PLG: variants seen among roughly 807,000 people sequenced by gnomAD.
PLG encodes plasmin.
Under a neutral mutation model 104.4 loss-of-function variants are expected in PLG, and 41 were observed. That is an observed-to-expected ratio of 0.39 (90% CI 0.31 to 0.51). The LOEUF is 0.51. Ranked by LOEUF, PLG falls within the 20% of genes least tolerant of loss-of-function variation. The pLI is 0.76. For missense variants in PLG, 891 were observed against 1,003.6 expected, an observed-to-expected ratio of 0.89 and a Z score of 1.52; for synonymous variants, 337 against 357.1, an observed-to-expected ratio of 0.94 and a Z score of 0.63.
At chr6:160,721,867 T>C (rs1324581503) in intron 9 of PLG, among the ~76,000 whole-genome samples, 1 of 152,192 alleles carries the variant, frequency 6.6e-6, no homozygotes, top group African/African-American at 2.4e-5. Context: ...ACAAGAGGAT[T>C]CCCTGTAACT....
At position 160,718,409 on chromosome 6, in the gene PLG, A is replaced by G. The variant is rs1328514729; in HGVS notation, c.903A>G (p.Ala301=). The change falls in exon 8 of 19, where the codon GCA becomes GCG. Residue 301 remains alanine (A), a synonymous_variant. Coordinates refer to ENST00000308192, the MANE Select transcript of PLG (RefSeq NM_000301.5). The part of the protein sequence containing the change: ...VSGHTCQHWS[A]QTPHTHNRTP... ...GGCACACCTGTCAGCACTGGAGTGC[A>G]CAGACCCCTCACACACATAACAGGA... The G allele has an allele frequency of 6.2e-7, 1 of 1,613,572 alleles. No individual in the cohort carries two copies. Among genetic ancestry groups the G allele is most frequent in the Non-Finnish European group, 8.5e-7 (1 of 1,179,448 alleles).
chr6:160,714,696 G>A (rs995456620), intron 5 of PLG, 98 bp from the exon 6 acceptor site: 46 of 1,174,282 alleles, frequency 3.9e-5, no homozygotes, highest in Middle Eastern at 2.3e-4. Context: ...GAGGCAAGTC[G>A]CACTTAAGTG....
At position 160,739,567 on chromosome 6, in the gene PLG, T is replaced by C. The variant is rs1246997170; in HGVS notation, c.2018+359T>C. On this transcript the variant is annotated intron_variant, in intron 16 of 18. Coordinates refer to ENST00000308192, the MANE Select transcript of PLG (RefSeq NM_000301.5). This position sits in a 1 kb window ranked among gnomAD's most constrained non-coding sequence, Gnocchi z 4.4. ...CATCATAATATGTTTAAGAGAATCATATAAGACTATATTTGTTTCAAAGCA... is the reference window on the plus strand; with the variant it reads ...CATCATAATATGTTTAAGAGAATCACATAAGACTATATTTGTTTCAAAGCA... Among the ~76,000 whole-genome samples, 1 of 152,158 alleles carries C rather than the reference T, an allele frequency of 6.6e-6. No individual in the cohort carries two copies. Among genetic ancestry groups the C allele is most frequent in the Non-Finnish European group, 1.5e-5 (1 of 68,030 alleles).
intron 9 of PLG, 129 bp downstream of exon 9, chr6:160,718,967 T>A: frequency 1.2e-6 from 1 of 818,132 alleles, no homozygotes; most frequent in Non-Finnish European, 2.0e-6. Context: ...CCTGCCCTTA[T>A]GATTTCAGTT....
intron 10 of PLG, 82 bp from the exon 11 acceptor site, chr6:160,730,968 TG>T: frequency 2.9e-6 from 4 of 1,392,502 alleles, no homozygotes; most frequent in Non-Finnish European, 4.1e-6. Flanking sequence ...GTTAACACTT[TG>T]TTAGAACAAA....
rs745937967 is a variant in PLG at position 160,731,878 on chromosome 6, G to A, written c.1572G>A (p.Ala524=). Reference sequence around the variant, plus strand: ...TCACTCCAGAGACAAATCCACGGGCGGGTCTGGAAAAAAATGTAAGCCACT... The same window carrying A: ...TCACTCCAGAGACAAATCCACGGGCAGGTCTGGAAAAAAATGTAAGCCACT... The part of the protein sequence containing the change: ...SIFTPETNPR[A]GLEKNYCRNP... Residue 524 remains alanine (A), a synonymous_variant, in exon 12 of 19, where the codon GCG becomes GCA. Transcript: ENST00000308192. This position sits in a 1 kb window ranked among gnomAD's most constrained non-coding sequence, Gnocchi z 5.1. The A allele has an allele frequency of 8.1e-6, 13 of 1,613,940 alleles. No individual in the cohort carries two copies. In the South Asian group the frequency reaches 1.2e-4, roughly 15 times the overall value.
chr6:160,714,713 A>G, intron 5 of PLG, 81 bp from the exon 6 acceptor site: 1 of 1,404,346 alleles, frequency 7.1e-7, no homozygotes, highest in South Asian at 1.2e-5. Flanking sequence ...AGTGAGTAGG[A>G]TTCTGGTTTT....
chr6:160,720,993 T>A (rs145562020), intron 9 of PLG, among the ~76,000 whole-genome samples: 38 of 152,328 alleles, frequency 2.5e-4, no homozygotes, highest in African/African-American at 8.4e-4. Context: ...TTGTTTCTAG[T>A]CATCTCCTCA....
At chr6:160,748,894 A>G (rs1427862097) in intron 17 of PLG, among the ~76,000 whole-genome samples, 1 of 152,166 alleles carries the variant, frequency 6.6e-6, no homozygotes, top group Non-Finnish European at 1.5e-5. Flanking sequence ...GAGAGGTCGA[A>G]CTTGTGTCAC....
chr6:160,718,399 A>C lies in PLG; in HGVS notation c.893A>C (p.His298Pro). Residue 298 changes from histidine to proline, a missense_variant, in exon 8 of 19, where the codon CAC becomes CCC. His to Pro is a moderately conservative substitution (Grantham distance 77). Coordinates refer to ENST00000308192, the MANE Select transcript of PLG (RefSeq NM_000301.5). ...ACCGTGTCCGGGCACACCTGTCAGC[A>C]CTGGAGTGCACAGACCCCTCACACA... ...AVTVSGHTCQ[H>P]WSAQTPHTHN... The C allele has an allele frequency of 6.2e-7, 1 of 1,613,884 alleles. No homozygotes were observed. The highest frequency in any genetic ancestry group is 8.5e-7 in the Non-Finnish European group (1 of 1,179,728).
Position 160,725,312 on chromosome 6 carries a change from C to T in PLG, c.1256+2745C>T, listed in dbSNP as rs564805744. 2.6e-5 allele frequency among the ~76,000 whole-genome samples: 4 copies of T among 152,106 alleles called. No homozygotes were observed. In the South Asian group the frequency reaches 8.3e-4, roughly 32 times the overall value. On this transcript the variant is annotated intron_variant, in intron 10 of 18. Transcript: ENST00000308192. This position sits in a 1 kb window ranked among gnomAD's most constrained non-coding sequence, Gnocchi z 6.3. ...TTAACATATGTAAAAGTAAAAATTT[C>T]TAAATAATAATAATCACATAAATAA...
At chr6:160,713,389 C>A (rs376327940) in intron 5 of PLG, 4 of 405,352 alleles carry the variant, frequency 9.9e-6, no homozygotes, top group African/African-American at 6.2e-5. Flanking sequence ...GCTACCTCAG[C>A]CTCCCAAGTA....
chr6:160,716,680 G>A lies in PLG; in HGVS notation c.704G>A (p.Arg235His), dbSNP rs121918030. The A allele has an allele frequency of 6.2e-6, 10 of 1,613,018 alleles. No homozygotes were observed. The highest frequency in any genetic ancestry group is 8.5e-6 in the Non-Finnish European group (10 of 1,179,032). ...PNKNLKKNYCRNPDRELRPWC... is the reference protein window; with the variant it reads ...PNKNLKKNYCHNPDRELRPWC... ...AAGAACCTGAAGAAGAATTACTGTC[G>A]TAACCCCGATAGGGAGCTGCGGCCT... The change falls in exon 7 of 19, where the codon CGT (arginine) becomes CAT (histidine). Residue 235 changes from arginine (R) to histidine (H), a missense_variant. By Grantham distance (29) the Arg-to-His change is conservative. Transcript: ENST00000308192.
At chr6:160,715,803 G>T (rs983539429) in intron 6 of PLG, among the ~76,000 whole-genome samples, 1 of 152,208 alleles carries the variant, frequency 6.6e-6, no homozygotes, top group Non-Finnish European at 1.5e-5. Flanking sequence ...AAGACCTAAG[G>T]GTCCAAAACT....
intron 10 of PLG, among the ~76,000 whole-genome samples, chr6:160,729,500 T>C (rs78870104): frequency 0.02 from 2,980 of 152,282 alleles, 110 homozygotes; most frequent in African/African-American, 0.068. Flanking sequence ...AATGAGAAAA[T>C]GAATCGATAA....
intron 10 of PLG, among the ~76,000 whole-genome samples, chr6:160,730,505 A>G (rs1406095777): frequency 6.6e-6 from 1 of 152,246 alleles, no homozygotes; most frequent in African/African-American, 2.4e-5. Context: ...TTTTCATAGT[A>G]AAAGTAGATC....
intron 9 of PLG, among the ~76,000 whole-genome samples, chr6:160,721,328 G>A (rs1777824056): frequency 6.6e-6 from 1 of 152,112 alleles, no homozygotes; most frequent in African/African-American, 2.4e-5. Flanking sequence ...AACAGTAGAG[G>A]TTACAGTAAA....
intron 6 of PLG, 113 bp downstream of exon 6, chr6:160,715,027 T>A: frequency 1.9e-6 from 2 of 1,043,098 alleles, no homozygotes; most frequent in Non-Finnish European, 2.9e-6. Flanking sequence ...CGCCTGATGT[T>A]TTTAATTTCA....
At chr6:160,743,500 C>T (rs1778228947) in intron 17 of PLG, among the ~76,000 whole-genome samples, 1 of 152,134 alleles carries the variant, frequency 6.6e-6, no homozygotes, top group South Asian at 2.1e-4. Flanking sequence ...GATTTTTGTA[C>T]ATTGATTTTA....
Sources: allele counts gnomAD v4.1 joint callset (sites outside exome capture counted in the v4.1 genomes callset), GRCh38; gene constraint gnomAD v4.1.1; non-coding constraint Gnocchi (gnomAD v3.1); transcripts MANE v1.5; gene names NCBI Gene and HGNC (gene_info 2026-07-23, HGNC 2026-07-21).